Variants in RERE observed in about 807,000 individuals in gnomAD.
RERE encodes the protein arginine-glutamic acid dipeptide repeats protein.
Under a neutral mutation model 146.1 loss-of-function variants are expected in RERE, and 40 were observed. That is an observed-to-expected ratio of 0.27 (90% CI 0.21 to 0.36). RERE has a LOEUF of 0.36. RERE is among the 10% of genes least tolerant of loss of function. RERE has a pLI of 1.00. For synonymous variants in RERE, 1,003 were observed against 866.0 expected (o/e 1.16, Z -2.78); for missense variants, 1,933 against 2,138.7 (o/e 0.90, Z 1.90).
intron 1 of RERE, among the ~76,000 whole-genome samples, chr1:8,740,332 C>T (rs937598158): frequency 6.6e-6 from 1 of 152,314 alleles, no homozygotes; most frequent in South Asian, 2.1e-4. Context: ...AGGGCACTTA[C>T]CCCATGAATG....
At chr1:8,785,699 G>A (rs984408721) in intron 1 of RERE, among the ~76,000 whole-genome samples, 2 of 152,146 alleles carry the variant, frequency 1.3e-5, no homozygotes, top group Non-Finnish European at 2.9e-5. Context: ...TTGGCTCACT[G>A]CAACCTCCGC....
chr1:8,575,375 A>C (rs1403665287), intron 4 of RERE, among the ~76,000 whole-genome samples: 3 of 150,032 alleles, frequency 2.0e-5, no homozygotes, highest in Non-Finnish European at 4.4e-5. Flanking sequence ...AAGGATGAAA[A>C]AAGTAACCTT....
At chr1:8,791,757 C>T (rs567381397) in intron 1 of RERE, among the ~76,000 whole-genome samples, 13 of 152,218 alleles carry the variant, frequency 8.5e-5, no homozygotes, top group Non-Finnish European at 1.6e-4. Flanking sequence ...TGGACACCCA[C>T]AGGAATCATA....
At chr1:8,526,065 A>G in intron 7 of RERE, 6 of 1,183,344 alleles carry the variant, frequency 5.1e-6, no homozygotes, top group Non-Finnish European at 6.3e-6. Flanking sequence ...CCGTAAATAA[A>G]GCCCAGCCAA....
chr1:8,758,280 C>T (rs1397714606), intron 1 of RERE, among the ~76,000 whole-genome samples: 1 of 151,866 alleles, frequency 6.6e-6, no homozygotes, highest in African/African-American at 2.4e-5. Context: ...AGAGGTGTTT[C>T]ACCATGTTGG....
chr1:8,658,618 G>A (rs1394021666), intron 1 of RERE, among the ~76,000 whole-genome samples: 8 of 151,944 alleles, frequency 5.3e-5, no homozygotes, highest in East Asian at 1.9e-4. Flanking sequence ...TTAGCCGAGC[G>A]TGGTGGTGGA....
intron 1 of RERE, among the ~76,000 whole-genome samples, chr1:8,743,113 G>A (rs538429638): frequency 1.3e-5 from 2 of 151,884 alleles, no homozygotes; most frequent in South Asian, 2.1e-4. Flanking sequence ...CAGTCTATTC[G>A]AGCTGGGCAC....
chr1:8,769,534 C>T (rs1449755742), intron 1 of RERE, among the ~76,000 whole-genome samples: 2 of 152,200 alleles, frequency 1.3e-5, no homozygotes, highest in Non-Finnish European at 2.9e-5. Flanking sequence ...GGGTGAGGTG[C>T]AGTGGCACAG....
chr1:8,614,621 A>G lies in RERE; in HGVS notation c.462T>C (p.Ser154=), dbSNP rs1469700869. 1.9e-6 allele frequency: 3 copies of G among 1,613,198 alleles called. No individual in the cohort carries two copies. Among genetic ancestry groups the G allele is most frequent in the South Asian group, 2.2e-5 (2 of 90,894 alleles). The part of the protein sequence containing the change: ...TPALCDPPAC[S]LPVASQPPQH... The stretch of plus-strand genomic sequence containing the variant: ...GTGGTGGCTGTGATGCCACCGGCAG[A>G]GAGCATGCTGGGGGGTCACACAAAG... Residue 154 remains serine, a synonymous_variant, in exon 4 of 23, where the codon TCT becomes TCC. Transcript: ENST00000400908.
intron 7 of RERE, among the ~76,000 whole-genome samples, chr1:8,514,619 T>C (rs1316334962): frequency 6.6e-6 from 1 of 151,776 alleles, no homozygotes; most frequent in African/African-American, 2.4e-5. Flanking sequence ...TCCTAGCTAC[T>C]CGGGAGGCTC....
chr1:8,378,712 T>C (rs1257306472), intron 12 of RERE, among the ~76,000 whole-genome samples: 4 of 152,282 alleles, frequency 2.6e-5, no homozygotes, highest in South Asian at 2.1e-4. Flanking sequence ...ATAAGTTCTG[T>C]TGCTGAAGCA....
rs192943677 is a variant in RERE at position 8,470,973 on chromosome 1, C to A, written c.1105-4950G>T. Among the ~76,000 whole-genome samples the A allele has an allele frequency of 4.4e-3, 669 of 151,582 alleles. 1 individual carries two copies. Among genetic ancestry groups the A allele is most frequent in the African/African-American group, 0.015 (628 of 41,310 alleles). ...ACCTGGGACTACAGGCGCGCCACCACACCCAGCTAATTTTTGTATTTTTAG... is the reference window on the plus strand; with the variant it reads ...ACCTGGGACTACAGGCGCGCCACCAAACCCAGCTAATTTTTGTATTTTTAG... On this transcript the variant is annotated intron_variant, in intron 10 of 22. Transcript: ENST00000400908.
intron 6 of RERE, among the ~76,000 whole-genome samples, chr1:8,549,203 C>T (rs1055860537): frequency 2.6e-5 from 4 of 152,002 alleles, no homozygotes; most frequent in African/African-American, 9.7e-5. Context: ...TAAAGGGAAC[C>T]CCGGTTCCTC....
intron 1 of RERE, among the ~76,000 whole-genome samples, chr1:8,701,853 G>A (rs537126007): frequency 6.6e-6 from 1 of 152,222 alleles, no homozygotes; most frequent in Non-Finnish European, 1.5e-5. Context: ...CTGCTGTTAA[G>A]CATCTAAAAA....
At chr1:8,405,742 G>T (rs1282576142) in intron 12 of RERE, among the ~76,000 whole-genome samples, 1 of 152,044 alleles carries the variant, frequency 6.6e-6, no homozygotes, top group Non-Finnish European at 1.5e-5. Context: ...TGGTTCAAGC[G>T]ATTCTCCTGC....
intron 3 of RERE, among the ~76,000 whole-genome samples, chr1:8,622,510 A>ACACAC (rs66614709): frequency 1.9e-4 from 15 of 77,194 alleles, no homozygotes; most frequent in Non-Finnish European, 3.3e-4. Context: ...AAAAAAAAAA[A>ACACAC]ACACACTTTG....
At chr1:8,737,057 G>A (rs537115462) in intron 1 of RERE, among the ~76,000 whole-genome samples, 19 of 152,260 alleles carry the variant, frequency 1.2e-4, no homozygotes, top group Admixed American at 3.9e-4. Context: ...GACCTTTCAG[G>A]AGAATTTCTG....
chr1:8,381,519 T>C (rs140854889), intron 12 of RERE, among the ~76,000 whole-genome samples: 1,642 of 152,318 alleles, frequency 0.011, 17 homozygotes, highest in Middle Eastern at 0.041. Context: ...AGTGAACCAT[T>C]TCAAAATTGA....
At chr1:8,359,317 G>GGCC (rs1273997518) in intron 19 of RERE, among the ~76,000 whole-genome samples, 2 of 152,182 alleles carry the variant, frequency 1.3e-5, no homozygotes, top group African/African-American at 4.8e-5. Flanking sequence ...GCAGAGAGCT[G>GGCC]GCCACCACCA....
Sources: allele counts gnomAD v4.1 joint callset (sites outside exome capture counted in the v4.1 genomes callset), GRCh38; gene constraint gnomAD v4.1.1; transcripts MANE v1.5; gene names NCBI Gene and HGNC (gene_info 2026-07-23, HGNC 2026-07-21).